The following COMMD10 variants were observed in gnomAD, a reference collection of about 807,000 sequenced individuals.
The protein encoded by COMMD10 is COMM domain containing 10.
Under a neutral mutation model 28.9 loss-of-function variants are expected in COMMD10, and 33 were observed. The observed-to-expected ratio is 1.14, with a 90% CI of 0.87 to 1.53. The LOEUF (loss-of-function observed/expected upper bound fraction) is 1.53. Ranked by LOEUF, COMMD10 falls within the 40% of genes most tolerant of loss-of-function variation. COMMD10 has a pLI of 0.00. For missense variants in COMMD10, 310 were observed against 233.4 expected, an observed-to-expected ratio of 1.33 and a Z score of -2.14; for synonymous variants, 110 against 81.7, an observed-to-expected ratio of 1.35 and a Z score of -1.87.
intron 5 of COMMD10, among the ~76,000 whole-genome samples, chr5:116,276,854 G>A (rs139749587): frequency 6.6e-6 from 1 of 151,802 alleles, no homozygotes; most frequent in African/African-American, 2.4e-5. Context: ...CCTAGGACCG[G>A]GAGAGGAGGG....
chr5:116,233,424 A>G (rs1037205613), intron 5 of COMMD10, among the ~76,000 whole-genome samples: 1 of 152,164 alleles, frequency 6.6e-6, no homozygotes, highest in Non-Finnish European at 1.5e-5. Flanking sequence ...TATATCTCCC[A>G]CAGATAAGGG....
At chr5:116,285,280 G>C (rs946335840) in intron 5 of COMMD10, among the ~76,000 whole-genome samples, 2 of 151,936 alleles carry the variant, frequency 1.3e-5, no homozygotes, top group Admixed American at 1.3e-4. Flanking sequence ...ATAACTTCTT[G>C]ATATCTTGGA....
chr5:116,195,415 ACTC>A (rs1748485267), intron 5 of COMMD10, among the ~76,000 whole-genome samples: 2 of 152,028 alleles, frequency 1.3e-5, no homozygotes. Flanking sequence ...AACCCTAAGG[ACTC>A]CTCCAGAAAG....
At chr5:116,118,829 T>C (rs935723338) in intron 4 of COMMD10, among the ~76,000 whole-genome samples, 5 of 152,216 alleles carry the variant, frequency 3.3e-5, no homozygotes, top group African/African-American at 1.2e-4. Context: ...AGACCCTTAA[T>C]CAGTCTTATT....
At chr5:116,263,200 C>T (rs1750494997) in intron 5 of COMMD10, among the ~76,000 whole-genome samples, 2 of 151,672 alleles carry the variant, frequency 1.3e-5, no homozygotes, top group Non-Finnish European at 1.5e-5. Flanking sequence ...ATCTATGAAA[C>T]ACTAAGATAC....
At chr5:116,265,050 T>G (rs1333738762) in intron 5 of COMMD10, among the ~76,000 whole-genome samples, 1 of 151,832 alleles carries the variant, frequency 6.6e-6, no homozygotes, top group African/African-American at 2.4e-5. Context: ...GAAATGAATT[T>G]CATAGCCTCA....
At chr5:116,235,828 G>A (rs1749646583) in intron 5 of COMMD10, among the ~76,000 whole-genome samples, 1 of 152,022 alleles carries the variant, frequency 6.6e-6, no homozygotes, top group South Asian at 2.1e-4. Flanking sequence ...GAATATATTT[G>A]GATTCAAGTA....
At chr5:116,222,234 G>T (rs1462153395) in intron 5 of COMMD10, among the ~76,000 whole-genome samples, 3 of 152,140 alleles carry the variant, frequency 2.0e-5, no homozygotes, top group African/African-American at 4.8e-5. Flanking sequence ...ACATTCTCAA[G>T]AGTTGAAGAA....
intron 5 of COMMD10, among the ~76,000 whole-genome samples, chr5:116,202,409 A>C (rs201151977): frequency 2.0e-5 from 3 of 151,910 alleles, no homozygotes; most frequent in East Asian, 1.9e-4. Context: ...CCAGTAATGG[A>C]ATGGCTGGGT....
At chr5:116,251,669 A>C (rs1750123689) in intron 5 of COMMD10, among the ~76,000 whole-genome samples, 1 of 151,054 alleles carries the variant, frequency 6.6e-6, no homozygotes, top group African/African-American at 2.4e-5. Context: ...TATATGTGCC[A>C]CATTTTCTTA....
At chr5:116,226,226 G>A (rs1252716280) in intron 5 of COMMD10, among the ~76,000 whole-genome samples, 1 of 151,628 alleles carries the variant, frequency 6.6e-6, no homozygotes, top group Non-Finnish European at 1.5e-5. Flanking sequence ...GGTATCTCTG[G>A]GGTTTTGTAT....
intron 5 of COMMD10, among the ~76,000 whole-genome samples, chr5:116,140,031 T>C (rs1022523776): frequency 1.3e-5 from 2 of 151,694 alleles, no homozygotes; most frequent in African/African-American, 4.8e-5. Context: ...TTTAACCTGC[T>C]TCTCCCCATT....
intron 5 of COMMD10, among the ~76,000 whole-genome samples, chr5:116,222,524 T>C (rs747461403): frequency 1.3e-4 from 20 of 152,168 alleles, no homozygotes; most frequent in Admixed American, 2.6e-4. Context: ...TCTACTTGTA[T>C]TTGTAAAGTT....
chr5:116,195,982 G>C (rs1016508387), intron 5 of COMMD10, among the ~76,000 whole-genome samples: 1 of 152,166 alleles, frequency 6.6e-6, no homozygotes, highest in Non-Finnish European at 1.5e-5. Context: ...CTACACTGCT[G>C]GTGGGAATGT....
chr5:116,282,175 C>T (rs1479635188), intron 5 of COMMD10, among the ~76,000 whole-genome samples: 3 of 151,872 alleles, frequency 2.0e-5, no homozygotes, highest in Non-Finnish European at 4.4e-5. Flanking sequence ...CTGCCAGAAA[C>T]CTGAGAGTCA....
chr5:116,179,422 G>C (rs1432519126), intron 5 of COMMD10, among the ~76,000 whole-genome samples: 2 of 152,084 alleles, frequency 1.3e-5, no homozygotes, highest in East Asian at 3.9e-4. Context: ...TCCTGACTTT[G>C]GCCTGGTACT....
intron 5 of COMMD10, among the ~76,000 whole-genome samples, chr5:116,254,957 A>G (rs1580587320): frequency 2.0e-5 from 3 of 151,478 alleles, no homozygotes; most frequent in East Asian, 3.9e-4. Context: ...GTCACTCAGG[A>G]CTTGCTTTAT....
rs1360337697 is a variant in COMMD10, at chr5:116,277,055, T to TA, written c.511-14461dup. 1.3e-3 allele frequency among the ~76,000 whole-genome samples: 195 copies of TA among 151,954 alleles called. 7 individuals are homozygous for TA. The highest frequency in any genetic ancestry group is 4.7e-3 in the African/African-American group (193 of 41,300). On this transcript the variant is annotated intron_variant, in intron 5 of 6. Coordinates refer to ENST00000274458, the MANE Select transcript of COMMD10 (RefSeq NM_016144.4). ...GACATGAATATTTCCATAAAGCTGTTACCAAAAAATATAAGTTAAATTCTC... is the reference window on the plus strand; with the variant it reads ...GACATGAATATTTCCATAAAGCTGTTAACCAAAAAATATAAGTTAAATTCTC...
At chr5:116,224,547 A>AG (rs1749343615) in intron 5 of COMMD10, among the ~76,000 whole-genome samples, 1 of 152,126 alleles carries the variant, frequency 6.6e-6, no homozygotes, top group African/African-American at 2.4e-5. Context: ...TGGTGAGAGG[A>AG]GGGAACAAGG....
Sources: allele counts gnomAD v4.1 joint callset (sites outside exome capture counted in the v4.1 genomes callset), GRCh38; gene constraint gnomAD v4.1.1; transcripts MANE v1.5; gene names NCBI Gene and HGNC (gene_info 2026-07-23, HGNC 2026-07-21).